The following TMEM139 variants were observed in gnomAD, a reference collection of about 807,000 sequenced individuals.
The protein encoded by TMEM139 is transmembrane protein 139.
TMEM139 carries 9 observed loss-of-function variants against 15.9 expected under a neutral mutation model. The ratio of observed to expected loss-of-function variants is 0.57; its 90% CI spans 0.34 to 0.99. The LOEUF (loss-of-function observed/expected upper bound fraction) is 0.99. Ranked by LOEUF, TMEM139 falls within the 50% of genes least tolerant of loss-of-function variation. The pLI is 0.02. For missense variants in TMEM139, 270 were observed against 267.7 expected, an observed-to-expected ratio of 1.01 and a Z score of -0.06; for synonymous variants, 95 against 110.5, an observed-to-expected ratio of 0.86 and a Z score of 0.88.
In TMEM139 at chr7:143,286,147, C is replaced by G. The variant is rs568548190; in HGVS notation, c.190C>G (p.Arg64Gly). The change falls in exon 2 of 3, where the codon CGG becomes GGG. Residue 64 changes from arginine to glycine, a missense_variant. By Grantham distance (125) the Arg-to-Gly change is moderately radical. Coordinates refer to ENST00000359333, the MANE Select transcript of TMEM139 (RefSeq NM_001282876.2). Reference sequence around the variant, plus strand: ...GGTCCGGTTTCTGGAATGGGGGCTTCGGTCCCAGCTCCAATCAATGCAGAC... The same window carrying G: ...GGTCCGGTTTCTGGAATGGGGGCTTGGGTCCCAGCTCCAATCAATGCAGAC... ...LLVRFLEWGL[R>G]SQLQSMQTES... The G allele has an allele frequency of 6.2e-7, 1 of 1,614,040 alleles. No homozygotes were observed. Among genetic ancestry groups the G allele is most frequent in the African/African-American group, 1.3e-5 (1 of 74,966 alleles).
chr7:143,286,089 A>G lies in TMEM139; in HGVS notation c.132A>G (p.Thr44=). The G allele has an allele frequency of 6.2e-7, 1 of 1,613,938 alleles. No homozygotes were observed. The highest frequency in any genetic ancestry group is 8.5e-7 in the Non-Finnish European group (1 of 1,179,998). ...DITPVAYFFL[T]LGGFFLFAYL... Reference sequence around the variant, plus strand: ...CCCCCGTTGCTTATTTCTTTCTCACATTGGGTGGCTTCTTCTTGTTTGCCT... The same window carrying G: ...CCCCCGTTGCTTATTTCTTTCTCACGTTGGGTGGCTTCTTCTTGTTTGCCT... The change falls in exon 2 of 3, where the codon ACA becomes ACG. Residue 44 remains threonine (T), a synonymous_variant. Coordinates refer to ENST00000359333, the MANE Select transcript of TMEM139 (RefSeq NM_001282876.2).
In TMEM139 at chr7:143,286,115, A is replaced by C; in HGVS notation, c.158A>C (p.Tyr53Ser). ...LTLGGFFLFA[Y>S]LLVRFLEWGL... is the part of the protein sequence containing the mutation. ...TTGGGTGGCTTCTTCTTGTTTGCCTATCTCCTGGTCCGGTTTCTGGAATGG... is the reference window on the plus strand; with the variant it reads ...TTGGGTGGCTTCTTCTTGTTTGCCTCTCTCCTGGTCCGGTTTCTGGAATGG... Residue 53 changes from tyrosine to serine, a missense_variant, in exon 2 of 3, where the codon TAT (tyrosine) becomes TCT (serine). Transcript: ENST00000359333. 1 of 1,613,970 alleles carries C rather than the reference A, an allele frequency of 6.2e-7. No homozygotes were observed. The highest frequency in any genetic ancestry group is 8.5e-7 in the Non-Finnish European group (1 of 1,179,988).
intron 1 of TMEM139, 143 bp downstream of exon 1, chr7:143,285,588 G>T (rs1801246973): frequency 3.5e-6 from 1 of 283,450 alleles, no homozygotes. Context: ...AGAGATGCCA[G>T]TGTGCACTGA....
rs747294170 is a variant in TMEM139, at chr7:143,286,156, C to T, written c.199C>T (p.Leu67Phe). Residue 67 changes from leucine to phenylalanine, a missense_variant, in exon 2 of 3, where the codon CTC becomes TTC. By Grantham distance (22) the Leu-to-Phe change is conservative. Coordinates refer to ENST00000359333, the MANE Select transcript of TMEM139 (RefSeq NM_001282876.2). ...TCTGGAATGGGGGCTTCGGTCCCAG[C>T]TCCAATCAATGCAGACTGAGAGCCC... ...RFLEWGLRSQ[L>F]QSMQTESPGP... 15 of 1,614,110 alleles carry T rather than the reference C, an allele frequency of 9.3e-6. No individual in the cohort carries two copies. Among genetic ancestry groups the T allele is most frequent in the Non-Finnish European group, 1.3e-5 (15 of 1,180,016 alleles).
rs1801304561 is a variant in TMEM139, at chr7:143,286,339, G to T, written c.246-85G>T. ...GAGGAGGGGTCAGAGGCCAACAGAG[G>T]ATCTTTTGCCCACAGCAGACAAAAA... On this transcript the variant is annotated intron_variant, in intron 2 of 2. Coordinates refer to ENST00000359333, the MANE Select transcript of TMEM139 (RefSeq NM_001282876.2). 11 of 1,530,328 alleles carry T rather than the reference G, an allele frequency of 7.2e-6. No individual in the cohort carries two copies. In the South Asian group the frequency reaches 1.4e-4, roughly 20 times the overall value. The allele number at this position is 1,530,328 out of a possible 1,614,324, so 94.8% of individuals were successfully genotyped here.
At chr7:143,285,909 T>A (rs375301557) in intron 1 of TMEM139, 32 bp from the exon 2 acceptor site, 68 of 1,611,864 alleles carry the variant, frequency 4.2e-5, no homozygotes, top group Non-Finnish European at 5.6e-5. Flanking sequence ...CAATTGCTAG[T>A]GTAGACACAA....
Position 143,286,587 on chromosome 7 carries a change from G to C in TMEM139, c.409G>C (p.Ala137Pro). 6.2e-7 allele frequency: 1 copy of C among 1,613,996 alleles called. No individual in the cohort carries two copies. Among genetic ancestry groups the C allele is most frequent in the Non-Finnish European group, 8.5e-7 (1 of 1,179,994 alleles). Residue 137 changes from alanine to proline, a missense_variant, in exon 3 of 3, where the codon GCC becomes CCC. Ala to Pro is a conservative substitution (Grantham distance 27). Coordinates refer to ENST00000359333, the MANE Select transcript of TMEM139 (RefSeq NM_001282876.2). The stretch of plus-strand genomic sequence containing the variant: ...TAGCCATCCAGAGGGGTCCAGGAGA[G>C]CCAAACTGGAACAGAGGCGAATGGC... ...QPSHPEGSRR[A>P]KLEQRRMASE...
chr7:143,286,467 G>T lies in TMEM139; in HGVS notation c.289G>T (p.Val97Leu). ...FEVPVYEEAV[V>L]GLESQCRPQE... ...AGTGCCAGTCTATGAAGAGGCCGTG[G>T]TGGGACTAGAATCCCAGTGCCGCCC... The change falls in exon 3 of 3, where the codon GTG (valine) becomes TTG (leucine). Residue 97 changes from valine to leucine, a missense_variant. Physicochemically the swap from Val to Leu is conservative, Grantham distance 32. Transcript: ENST00000359333. 1 of 1,555,454 alleles carries T rather than the reference G, an allele frequency of 6.4e-7. No homozygotes were observed. Among genetic ancestry groups the T allele is most frequent in the Non-Finnish European group, 8.7e-7 (1 of 1,153,526 alleles).
chr7:143,286,581 A>G lies in TMEM139; in HGVS notation c.403A>G (p.Arg135Gly). 6.2e-7 allele frequency: 1 copy of G among 1,613,866 alleles called. No individual in the cohort carries two copies. Among genetic ancestry groups the G allele is most frequent in the Non-Finnish European group, 8.5e-7 (1 of 1,179,942 alleles). Residue 135 changes from arginine to glycine, a missense_variant, in exon 3 of 3, where the codon AGG (arginine) becomes GGG (glycine). Arg to Gly is a moderately radical substitution (Grantham distance 125). Transcript: ENST00000359333. ...ACAACCTAGCCATCCAGAGGGGTCC[A>G]GGAGAGCCAAACTGGAACAGAGGCG... The part of the protein sequence containing the change: ...EEQPSHPEGS[R>G]RAKLEQRRMA...
Position 143,286,469 on chromosome 7 carries a change from G to A in TMEM139, c.291G>A (p.Val97=), listed in dbSNP as rs1801314292. Residue 97 remains valine, a synonymous_variant, in exon 3 of 3, where the codon GTG becomes GTA. Coordinates refer to ENST00000359333, the MANE Select transcript of TMEM139 (RefSeq NM_001282876.2). The stretch of plus-strand genomic sequence containing the variant: ...TGCCAGTCTATGAAGAGGCCGTGGT[G>A]GGACTAGAATCCCAGTGCCGCCCCC... ...FEVPVYEEAV[V]GLESQCRPQE... 6.4e-7 allele frequency: 1 copy of A among 1,555,890 alleles called. No homozygotes were observed. The highest frequency in any genetic ancestry group is 8.7e-7 in the Non-Finnish European group (1 of 1,153,774).
In TMEM139 at chr7:143,286,539, C is replaced by T; in HGVS notation, c.361C>T (p.Pro121Ser). 6.2e-7 allele frequency: 1 copy of T among 1,613,752 alleles called. No homozygotes were observed. The highest frequency in any genetic ancestry group is 8.5e-7 in the Non-Finnish European group (1 of 1,179,932). ...PPPYSTVVIP[P>S]APEEEQPSHP... ...CCCCTACAGCACTGTTGTGATACCC[C>T]CAGCACCTGAGGAGGAACAACCTAG... Residue 121 changes from proline (P) to serine (S), a missense_variant, in exon 3 of 3, where the codon CCA becomes TCA. By Grantham distance (74) the Pro-to-Ser change is moderately conservative. Coordinates refer to ENST00000359333, the MANE Select transcript of TMEM139 (RefSeq NM_001282876.2).
At position 143,285,206 on chromosome 7, in the gene TMEM139, T is replaced by G. The variant is rs1251991859; in HGVS notation, c.-257T>G. The G allele has an allele frequency of 2.0e-5, 3 of 152,422 alleles. No individual in the cohort carries two copies. The highest frequency in any genetic ancestry group is 2.0e-4 in the Admixed American group (3 of 15,268). The allele number at this position is 152,422 out of a possible 1,614,324, so 9.4% of individuals were successfully genotyped here. A position where few individuals can be genotyped will look rare whatever the true frequency, so the allele number is the denominator to read the frequency against. On this transcript the variant is annotated 5_prime_UTR_variant, in exon 1 of 3. The change creates a new upstream start codon in the 5' untranslated region. Coordinates refer to ENST00000359333, the MANE Select transcript of TMEM139 (RefSeq NM_001282876.2). ...ACTGGGCTACCTCCTGGCAGGAAAT[T>G]TGCAAACTGAGTTTAACAAGTTAGG...
chr7:143,286,930 G>A lies in TMEM139; in HGVS notation c.*101G>A. On this transcript the variant is annotated 3_prime_UTR_variant, in exon 3 of 3. Coordinates refer to ENST00000359333, the MANE Select transcript of TMEM139 (RefSeq NM_001282876.2). ...GTGTCAGAAACAAGTGTTTCTGCCT[G>A]GACATCATAAATGGGGACTTGGACC... is the stretch of plus-strand genomic sequence containing the variant. The A allele has an allele frequency of 7.3e-7, 1 of 1,363,412 alleles. No individual in the cohort carries two copies. Among genetic ancestry groups the A allele is most frequent in the Non-Finnish European group, 9.9e-7 (1 of 1,006,576 alleles). The allele number at this position is 1,363,412 out of a possible 1,614,324, so 84.5% of individuals were successfully genotyped here. A position where few individuals can be genotyped will look rare whatever the true frequency, so the allele number is the denominator to read the frequency against.
In TMEM139 at chr7:143,286,898, C is replaced by G; in HGVS notation, c.*69C>G. ...TCATTTGACTAACATTTTCCAGCGC[C>G]TACTATGTGTCAGAAACAAGTGTTT... On this transcript the variant is annotated 3_prime_UTR_variant, in exon 3 of 3. Transcript: ENST00000359333. 1.3e-6 allele frequency: 2 copies of G among 1,481,560 alleles called. No individual in the cohort carries two copies. Among genetic ancestry groups the G allele is most frequent in the Non-Finnish European group, 9.0e-7 (1 of 1,105,118 alleles). 91.8% of individuals were successfully genotyped at this position (1,481,560 alleles called of 1,614,324 possible). A position where few individuals can be genotyped will look rare whatever the true frequency, so the allele number is the denominator to read the frequency against.
chr7:143,287,130 T>A lies in TMEM139; in HGVS notation c.*301T>A. On this transcript the variant is annotated 3_prime_UTR_variant, in exon 3 of 3. Transcript: ENST00000359333. Reference sequence around the variant, plus strand: ...GGAGAAGGAAGAAGTAACCTCTGAGTGGCGGCTATTGCTTCTGTTCCAGGT... The same window carrying A: ...GGAGAAGGAAGAAGTAACCTCTGAGAGGCGGCTATTGCTTCTGTTCCAGGT... 1 of 280,458 alleles carries A rather than the reference T, an allele frequency of 3.6e-6. No individual in the cohort carries two copies. Among genetic ancestry groups the A allele is most frequent in the Non-Finnish European group, 6.7e-6 (1 of 148,932 alleles). 17.4% of individuals were successfully genotyped at this position (280,458 alleles called of 1,614,324 possible).
intron 1 of TMEM139, 40 bp from the exon 2 acceptor site, chr7:143,285,901 A>G (rs1586439357): frequency 1.9e-6 from 3 of 1,607,252 alleles, no homozygotes; most frequent in East Asian, 2.2e-5. Flanking sequence ...CATGACACCA[A>G]TTGCTAGTGT....
In TMEM139 at chr7:143,286,606, G is replaced by T; in HGVS notation, c.428G>T (p.Arg143Leu). ...GSRRAKLEQR[R>L]MASEGSMAQE... ...AGGAGAGCCAAACTGGAACAGAGGC[G>T]AATGGCCTCAGAGGGGTCCATGGCC... The change falls in exon 3 of 3, where the codon CGA becomes CTA. Residue 143 changes from arginine (R) to leucine (L), a missense_variant. Arg to Leu is a moderately radical substitution (Grantham distance 102, BLOSUM62 -2). Coordinates refer to ENST00000359333, the MANE Select transcript of TMEM139 (RefSeq NM_001282876.2). 1 of 1,613,994 alleles carries T rather than the reference G, an allele frequency of 6.2e-7. No homozygotes were observed. Among genetic ancestry groups the T allele is most frequent in the Non-Finnish European group, 8.5e-7 (1 of 1,179,970 alleles).
intron 1 of TMEM139, 22 bp downstream of exon 1, chr7:143,285,467 C>T: frequency 1.1e-5 from 2 of 177,284 alleles, no homozygotes; most frequent in East Asian, 2.7e-4. Context: ...TCCCTCCCCT[C>T]TTCTCTCTAA....
Position 143,286,751 on chromosome 7 carries a change from A to G in TMEM139, c.573A>G (p.Pro191=). The change falls in exon 3 of 3, where the codon CCA becomes CCG. Residue 191 remains proline (P), a synonymous_variant. Transcript: ENST00000359333. ...TCCCCACATTAGAGCCTCTGACTCC[A>G]CCCCCTGCCTATGATGTCTGCTTTG... ...AAVPTLEPLT[P]PPAYDVCFGH... is the part of the protein sequence containing the mutation. 1.2e-6 allele frequency: 2 copies of G among 1,613,822 alleles called. No individual in the cohort carries two copies. Among genetic ancestry groups the G allele is most frequent in the Non-Finnish European group, 1.7e-6 (2 of 1,179,946 alleles).
Sources: gnomAD v4.1 joint callset for allele counts on GRCh38, gnomAD v4.1.1 for gene constraint, MANE v1.5 for transcripts, NCBI Gene and HGNC (gene_info 2026-07-23, HGNC 2026-07-21) for gene names.